LCLAT1: variants seen among roughly 807,000 people sequenced by gnomAD.
LCLAT1 encodes the protein 1-AGP acyltransferase 8.
A neutral mutation model predicts 30.7 loss-of-function variants in LCLAT1; 11 were observed. That is an observed-to-expected ratio of 0.36 (90% confidence interval 0.23 to 0.59). The LOEUF (loss-of-function observed/expected upper bound fraction) is 0.59. Among genes scored for constraint, LCLAT1 ranks in the 20% least tolerant of loss-of-function variants. The pLI, the probability that LCLAT1 is intolerant of heterozygous loss-of-function variation, is 0.77. For synonymous variants in LCLAT1, 155 were observed against 151.3 expected (o/e 1.02, Z -0.18); for missense variants, 402 against 458.6 (o/e 0.88, Z 1.13).
intron 1 of LCLAT1, among the ~76,000 whole-genome samples, chr2:30,467,549 C>T (rs532676275): frequency 6.6e-6 from 1 of 152,308 alleles, no homozygotes; most frequent in South Asian, 2.1e-4. Flanking sequence ...TTTACAGTCC[C>T]ACCAGCAGTG....
intron 1 of LCLAT1, among the ~76,000 whole-genome samples, chr2:30,455,293 A>G (rs1572464499): frequency 6.6e-6 from 1 of 152,184 alleles, no homozygotes; most frequent in East Asian, 1.9e-4. Context: ...ATACATATTT[A>G]CTTGGAGATG....
intron 5 of LCLAT1, among the ~76,000 whole-genome samples, chr2:30,579,737 T>G (rs1163383035): frequency 6.6e-6 from 1 of 152,146 alleles, no homozygotes; most frequent in Non-Finnish European, 1.5e-5. Flanking sequence ...AAGTCTCACT[T>G]CTAACAAACT....
intron 1 of LCLAT1, among the ~76,000 whole-genome samples, chr2:30,511,561 T>C (rs769143110): frequency 1.3e-5 from 2 of 152,246 alleles, no homozygotes; most frequent in African/African-American, 4.8e-5. Flanking sequence ...ATTTCCATCA[T>C]TGCAGAATAT....
chr2:30,521,192 A>G (rs72856691), intron 1 of LCLAT1, among the ~76,000 whole-genome samples: 6,065 of 152,324 alleles, frequency 0.04, 422 homozygotes, highest in African/African-American at 0.14. Flanking sequence ...AAGTTACCCT[A>G]TAAGGTCTAA....
intron 3 of LCLAT1, among the ~76,000 whole-genome samples, chr2:30,550,416 A>G (rs1310460510): frequency 6.6e-6 from 1 of 152,142 alleles, no homozygotes; most frequent in Non-Finnish European, 1.5e-5. Flanking sequence ...TAGTCATTGT[A>G]TCTTCCTAGT....
chr2:30,608,641 G>A (rs1029467814), intron 5 of LCLAT1, among the ~76,000 whole-genome samples: 1 of 152,030 alleles, frequency 6.6e-6, no homozygotes, highest in African/African-American at 2.4e-5. Flanking sequence ...ACAATATTCA[G>A]TACAGTAACA....
intron 2 of LCLAT1, among the ~76,000 whole-genome samples, chr2:30,528,342 G>A (rs1685824818): frequency 6.6e-6 from 1 of 152,142 alleles, no homozygotes; most frequent in South Asian, 2.1e-4. Flanking sequence ...ATTACTGCTA[G>A]TAGCATTACT....
intron 1 of LCLAT1, among the ~76,000 whole-genome samples, chr2:30,468,017 G>A (rs1164462222): frequency 3.9e-5 from 6 of 152,144 alleles, no homozygotes; most frequent in Admixed American, 6.5e-5. Context: ...CCTTGCCCAT[G>A]CCTATGTCCT....
intron 2 of LCLAT1, among the ~76,000 whole-genome samples, chr2:30,530,684 T>C (rs1685939351): frequency 6.6e-6 from 1 of 152,142 alleles, no homozygotes; most frequent in Non-Finnish European, 1.5e-5. Context: ...TAGCTAAGGC[T>C]CTGGGCATGT....
At chr2:30,607,878 TG>T (rs1418082293) in intron 5 of LCLAT1, 1 of 123,926 alleles carries the variant, frequency 8.1e-6, no homozygotes, top group Non-Finnish European at 1.7e-5. Context: ...TGTGTGTGTG[TG>T]TGTGTGTGTG....
At chr2:30,502,344 G>A (rs1188752888) in intron 1 of LCLAT1, among the ~76,000 whole-genome samples, 1 of 152,094 alleles carries the variant, frequency 6.6e-6, no homozygotes, top group East Asian at 1.9e-4. Context: ...TAATCTCTCA[G>A]CTAAGTAACA....
chr2:30,518,642 T>TG (rs1451656907), intron 1 of LCLAT1, among the ~76,000 whole-genome samples: 3 of 152,180 alleles, frequency 2.0e-5, no homozygotes, highest in Non-Finnish European at 4.4e-5. Flanking sequence ...GGATTATCAA[T>TG]GAGGCCGTTG....
At chr2:30,551,710 G>T (rs1664690131) in intron 3 of LCLAT1, among the ~76,000 whole-genome samples, 1 of 152,164 alleles carries the variant, frequency 6.6e-6, no homozygotes, top group African/African-American at 2.4e-5. Flanking sequence ...GCTTCTAATG[G>T]ATGCCTACAT....
At chr2:30,502,558 G>T (rs1378512735) in intron 1 of LCLAT1, among the ~76,000 whole-genome samples, 1 of 151,984 alleles carries the variant, frequency 6.6e-6, no homozygotes. Context: ...GGGAACCACT[G>T]GTCTGCTCTC....
intron 5 of LCLAT1, among the ~76,000 whole-genome samples, chr2:30,601,139 C>G (rs1372790372): frequency 6.6e-6 from 1 of 152,124 alleles, no homozygotes; most frequent in Non-Finnish European, 1.5e-5. Flanking sequence ...TCCATCAGAT[C>G]ATTTATGTTC....
intron 3 of LCLAT1, among the ~76,000 whole-genome samples, chr2:30,537,433 C>T (rs1372917203): frequency 4.0e-5 from 6 of 149,768 alleles, no homozygotes; most frequent in Non-Finnish European, 7.4e-5. Context: ...AGAAAAAAAA[C>T]CTACAACATA....
intron 1 of LCLAT1, among the ~76,000 whole-genome samples, chr2:30,488,515 T>C (rs888130538): frequency 6.6e-6 from 1 of 152,262 alleles, no homozygotes; most frequent in Admixed American, 6.5e-5. Flanking sequence ...ACTTTCTCTT[T>C]TCTTTTAATG....
At chr2:30,514,121 C>A (rs1181921147) in intron 1 of LCLAT1, among the ~76,000 whole-genome samples, 1 of 152,222 alleles carries the variant, frequency 6.6e-6, no homozygotes, top group Non-Finnish European at 1.5e-5. Flanking sequence ...GTGTCAGGGA[C>A]TCGTTAATGG....
chr2:30,473,603 G>A, intron 1 of LCLAT1, among the ~76,000 whole-genome samples: 1 of 152,144 alleles, frequency 6.6e-6, no homozygotes, highest in African/African-American at 2.4e-5. Flanking sequence ...TACTTCTGTG[G>A]ATGGATAGAT....
Sources: gnomAD v4.1 joint callset for allele counts (sites outside exome capture counted in the v4.1 genomes callset) on GRCh38, gnomAD v4.1.1 for gene constraint, MANE v1.5 for transcripts, NCBI Gene and HGNC (gene_info 2026-07-23, HGNC 2026-07-21) for gene names.